The following DACH2 variants were observed in gnomAD, a reference collection of about 807,000 sequenced individuals.
The protein encoded by DACH2 is dachshund family transcription factor 2, also known as dachshund homolog 2.
A neutral mutation model predicts 35.8 loss-of-function variants in DACH2; 17 were observed. The ratio of observed to expected loss-of-function variants is 0.48; its 90% CI spans 0.33 to 0.71. The LOEUF is 0.71. Ranked by LOEUF, DACH2 falls within the 30% of genes least tolerant of loss-of-function variation. The pLI is 0.02. For missense variants in DACH2, 469 were observed against 472.7 expected (o/e 0.99, Z 0.07); for synonymous variants, 195 against 177.3 (o/e 1.10, Z -0.79).
intron 1 of DACH2, among the ~76,000 whole-genome samples, chrX:86,289,408 T>TTTTA (rs201387197): frequency 0.14 from 14,811 of 107,820 alleles, 932 homozygotes; most frequent in Non-Finnish European, 0.18. Flanking sequence ...AGCAGGTTTC[T>TTTTA]TTTATTTATT....
chrX:86,300,495 A>T (rs988699514), intron 1 of DACH2, among the ~76,000 whole-genome samples: 3 of 105,177 alleles, frequency 2.9e-5, no homozygotes, highest in African/African-American at 1.0e-4. Flanking sequence ...ACGCATGGAC[A>T]CAGGAAGGGG....
At chrX:86,612,694 T>C (rs959253170) in intron 3 of DACH2, among the ~76,000 whole-genome samples, 2 of 112,150 alleles carry the variant, frequency 1.8e-5, no homozygotes, top group Non-Finnish European at 3.8e-5. Context: ...AGAGGTGGGG[T>C]TGACAATTCA....
chrX:86,821,054 A>C (rs1265878438), intron 11 of DACH2, among the ~76,000 whole-genome samples: 1 of 111,400 alleles, frequency 9.0e-6, no homozygotes, highest in African/African-American at 3.3e-5. Context: ...AGAGAAACTA[A>C]AAGGAGAACA....
rs1284551875 is a variant in DACH2 at position 86,336,668 on chromosome X, C to A, written c.489-40156C>A. Reference sequence around the variant, plus strand: ...TTCTAAAAACCAGAATGCCTCTTCTCCTCCAAAGGATCACAACTTTTCACC... The same window carrying A: ...TTCTAAAAACCAGAATGCCTCTTCTACTCCAAAGGATCACAACTTTTCACC... On this transcript the variant is annotated intron_variant, in intron 1 of 11. Coordinates refer to ENST00000373125, the MANE Select transcript of DACH2 (RefSeq NM_053281.3). Among the ~76,000 whole-genome samples the A allele has an allele frequency of 3.6e-5, 4 of 111,073 alleles. No individual in the cohort carries two copies. In the East Asian group the frequency reaches 1.2e-3, roughly 32 times the overall value.
chrX:86,521,981 A>C (rs186128236), intron 3 of DACH2, among the ~76,000 whole-genome samples: 1 of 111,834 alleles, frequency 8.9e-6, no homozygotes, highest in Non-Finnish European at 1.9e-5. Flanking sequence ...GTATAATGTT[A>C]GGTGTGCCAT....
chrX:86,331,392 C>T (rs1339885798), intron 1 of DACH2, among the ~76,000 whole-genome samples: 1 of 110,767 alleles, frequency 9.0e-6, no homozygotes, highest in Non-Finnish European at 1.9e-5. Context: ...GGGCTCATTT[C>T]TGAAATTTTG....
chrX:86,721,826 G>A (rs1266490229), intron 6 of DACH2, among the ~76,000 whole-genome samples: 1 of 111,887 alleles, frequency 8.9e-6, no homozygotes, highest in Non-Finnish European at 1.9e-5. Context: ...ATGGCAGAAA[G>A]CAGCTCTTCA....
At chrX:86,156,282 G>C (rs1168205551) in intron 1 of DACH2, among the ~76,000 whole-genome samples, 3 of 111,024 alleles carry the variant, frequency 2.7e-5, no homozygotes, top group African/African-American at 6.5e-5. Flanking sequence ...TCTTTGAAAA[G>C]GTTCATTAAG....
At chrX:86,772,967 T>C (rs2042000648) in intron 7 of DACH2, among the ~76,000 whole-genome samples, 1 of 111,685 alleles carries the variant, frequency 9.0e-6, no homozygotes, top group African/African-American at 3.2e-5. Flanking sequence ...AATCAGGTGC[T>C]TCCGTGGAAG....
At chrX:86,188,750 C>T (rs1006012480) in intron 1 of DACH2, among the ~76,000 whole-genome samples, 4 of 111,885 alleles carry the variant, frequency 3.6e-5, no homozygotes, top group Non-Finnish European at 7.5e-5. Context: ...ACTCTACAAA[C>T]TGAAAAATGT....
intron 3 of DACH2, among the ~76,000 whole-genome samples, chrX:86,562,020 A>C (rs902749763): frequency 2.0e-4 from 12 of 61,379 alleles, no homozygotes; most frequent in African/African-American, 1.3e-3. Flanking sequence ...CATAAAAAAA[A>C]AAATCTTTTG....
chrX:86,161,863 C>T (rs1005022835), intron 1 of DACH2, among the ~76,000 whole-genome samples: 3 of 111,429 alleles, frequency 2.7e-5, no homozygotes, highest in Non-Finnish European at 5.7e-5. Flanking sequence ...TTTGTAAAGT[C>T]GTATGATGTT....
chrX:86,433,159 T>C (rs949024047), intron 2 of DACH2, among the ~76,000 whole-genome samples: 4 of 111,932 alleles, frequency 3.6e-5, no homozygotes, highest in Admixed American at 9.5e-5. Context: ...GAACAATCTC[T>C]GACATGTAGA....
intron 3 of DACH2, among the ~76,000 whole-genome samples, chrX:86,538,023 C>G (rs887713188): frequency 5.4e-5 from 6 of 110,587 alleles, no homozygotes; most frequent in Non-Finnish European, 1.1e-4. Context: ...ATAAAATGGC[C>G]CTACCCCTAT....
chrX:86,430,879 A>G (rs2036974787), intron 2 of DACH2, among the ~76,000 whole-genome samples: 1 of 111,808 alleles, frequency 8.9e-6, no homozygotes, highest in South Asian at 3.7e-4. Context: ...AAGATGCTGA[A>G]GTATTATAAA....
intron 4 of DACH2, among the ~76,000 whole-genome samples, chrX:86,684,295 C>T (rs766365353): frequency 2.0e-4 from 22 of 111,651 alleles, no homozygotes; most frequent in African/African-American, 6.8e-4. Context: ...ATATTTATAC[C>T]TACAGAAATG....
intron 1 of DACH2, among the ~76,000 whole-genome samples, chrX:86,255,041 A>G (rs1051079844): frequency 4.3e-4 from 47 of 108,707 alleles, no homozygotes; most frequent in African/African-American, 1.5e-3. Flanking sequence ...AGAGATGTCC[A>G]AAGGAAAGAT....
intron 1 of DACH2, among the ~76,000 whole-genome samples, chrX:86,268,687 C>T (rs1408414310): frequency 9.2e-6 from 1 of 109,088 alleles, no homozygotes; most frequent in Non-Finnish European, 1.9e-5. Context: ...GGAGGCACCA[C>T]CACGCCCAGC....
intron 6 of DACH2, among the ~76,000 whole-genome samples, chrX:86,738,163 G>A (rs1301853469): frequency 9.0e-6 from 1 of 111,592 alleles, no homozygotes; most frequent in Non-Finnish European, 1.9e-5. Flanking sequence ...AATTGCATCT[G>A]CAAAGTCCCT....
Sources: allele counts gnomAD v4.1 joint callset (sites outside exome capture counted in the v4.1 genomes callset), GRCh38; gene constraint gnomAD v4.1.1; transcripts MANE v1.5; gene names NCBI Gene and HGNC (gene_info 2026-07-23, HGNC 2026-07-21).